The following NUDCD1 variants were observed in gnomAD, a reference collection of about 807,000 sequenced individuals.
NUDCD1 encodes NudC domain containing 1.
Under a neutral mutation model 67.8 loss-of-function variants are expected in NUDCD1, and 60 were observed. The ratio of observed to expected loss-of-function variants is 0.88; its 90% confidence interval spans 0.72 to 1.10. NUDCD1 has a LOEUF of 1.10. NUDCD1 is among the 50% of genes least tolerant of loss of function. The pLI is 0.00. For missense variants in NUDCD1, 643 were observed against 695.0 expected (o/e 0.93, Z 0.84); for synonymous variants, 244 against 230.8 (o/e 1.06, Z -0.52).
intron 5 of NUDCD1, among the ~76,000 whole-genome samples, 182 bp from the exon 6 acceptor site, chr8:109,281,354 T>A (rs760798762): frequency 6.6e-6 from 1 of 152,156 alleles, no homozygotes; most frequent in South Asian, 2.1e-4. Context: ...GCAATTAACA[T>A]GAAATTTTCC....
At chr8:109,276,003 G>A (rs892369968) in intron 6 of NUDCD1, among the ~76,000 whole-genome samples, 5 of 152,008 alleles carry the variant, frequency 3.3e-5, no homozygotes, top group African/African-American at 7.2e-5. Context: ...TTAAATCAAC[G>A]CAAATCTTAA....
At chr8:109,272,047 A>C (rs765793105) in intron 7 of NUDCD1, among the ~76,000 whole-genome samples, 16 of 152,098 alleles carry the variant, frequency 1.1e-4, no homozygotes, top group Non-Finnish European at 7.4e-5. Context: ...ATGCTAAAAG[A>C]AGCTCTCAAG....
At chr8:109,329,039 G>A (rs189639765) in intron 1 of NUDCD1, among the ~76,000 whole-genome samples, 101 of 152,004 alleles carry the variant, frequency 6.6e-4, no homozygotes, top group Admixed American at 1.3e-3. Context: ...CAAGAAAGAT[G>A]CAAAAGATTT....
rs183264326 is a variant in NUDCD1, at chr8:109,325,583, G to A, written c.119-3120C>T. ...GTAAAAAGTAGGAAGAAAAACTTGT[G>A]TTCAAAGAACACAAAGAAGGCCACA... On this transcript the variant is annotated intron_variant, in intron 1 of 9. Transcript: ENST00000239690. Among the ~76,000 whole-genome samples, 14 of 152,270 alleles carry A rather than the reference G, an allele frequency of 9.2e-5. No homozygotes were observed. In the East Asian group the frequency reaches 2.7e-3, roughly 29 times the overall value.
intron 1 of NUDCD1, among the ~76,000 whole-genome samples, chr8:109,330,997 A>C (rs1053544670): frequency 1.3e-5 from 2 of 152,010 alleles, no homozygotes; most frequent in African/African-American, 4.8e-5. Flanking sequence ...GCACACGTTT[A>C]CCTATGTACC....
chr8:109,247,009 C>T (rs1361753166), intron 8 of NUDCD1, among the ~76,000 whole-genome samples: 2 of 152,172 alleles, frequency 1.3e-5, no homozygotes, highest in Admixed American at 6.5e-5. Flanking sequence ...AGGGCTTTTT[C>T]GTAGAGCCAG....
At position 109,311,559 on chromosome 8, in the gene NUDCD1, G is replaced by GTGTGTATATATA; in HGVS notation, c.273+10749_273+10750insTATATATACACA. Among the ~76,000 whole-genome samples, 116 of 124,914 alleles carry GTGTGTATATATA rather than the reference G, an allele frequency of 9.3e-4. 5 individuals carry two copies. Among genetic ancestry groups the GTGTGTATATATA allele is most frequent in the South Asian group, 2.8e-3 (9 of 3,212 alleles). The allele number at this position is 124,914 out of a possible 152,430, so 81.9% of individuals were successfully genotyped here. ...AATGAGTGGATAAAGAAACTGTGGT[G>GTGTGTATATATA]TATATATATATATGATGGGATACTG... On this transcript the variant is annotated intron_variant, in intron 2 of 9. Transcript: ENST00000239690.
chr8:109,295,661 C>T lies in NUDCD1; in HGVS notation c.459+723G>A, dbSNP rs1271547778. Among the ~76,000 whole-genome samples, 5 of 151,998 alleles carry T rather than the reference C, an allele frequency of 3.3e-5. No individual in the cohort carries two copies. In the South Asian group the frequency reaches 6.2e-4, roughly 19 times the overall value. ...TTATAAGACATAAATATATTAAGCT[C>T]GCATCTCTTTATTTACCCAGAACTA... is the stretch of plus-strand genomic sequence containing the variant. On this transcript the variant is annotated intron_variant, in intron 3 of 9. Coordinates refer to ENST00000239690, the MANE Select transcript of NUDCD1 (RefSeq NM_032869.4).
chr8:109,252,646 T>C (rs1223885858), intron 8 of NUDCD1, among the ~76,000 whole-genome samples: 1 of 152,190 alleles, frequency 6.6e-6, no homozygotes, highest in Admixed American at 6.5e-5. Context: ...ACCACGTCTT[T>C]AGCAATCTGT....
chr8:109,261,367 A>C (rs1813860392), intron 8 of NUDCD1, among the ~76,000 whole-genome samples: 1 of 152,208 alleles, frequency 6.6e-6, no homozygotes, highest in East Asian at 1.9e-4. Context: ...AATTACATAT[A>C]TATACATGAT....
At chr8:109,248,714 GAAAAA>G (rs78072773) in intron 8 of NUDCD1, among the ~76,000 whole-genome samples, 1 of 99,990 alleles carries the variant, frequency 1.0e-5, no homozygotes, top group African/African-American at 3.9e-5. Context: ...CCACTGTTTG[GAAAAA>G]AAAAAAAAAA....
chr8:109,304,098 A>C (rs1586294391), intron 2 of NUDCD1, among the ~76,000 whole-genome samples: 1 of 152,072 alleles, frequency 6.6e-6, no homozygotes, highest in Non-Finnish European at 1.5e-5. Context: ...TCCTTAAAAA[A>C]CAGCCCTAAA....
intron 2 of NUDCD1, among the ~76,000 whole-genome samples, chr8:109,317,090 GAAACCT>G (rs1815417727): frequency 6.6e-6 from 1 of 152,162 alleles, no homozygotes; most frequent in Non-Finnish European, 1.5e-5. Flanking sequence ...AGCATATTTG[GAAACCT>G]AAGAGGAAAC....
chr8:109,279,224 T>G (rs2129978401), intron 6 of NUDCD1, among the ~76,000 whole-genome samples: 1 of 152,384 alleles, frequency 6.6e-6, no homozygotes, highest in East Asian at 1.9e-4. Context: ...TGTATTATTA[T>G]TTTACACTCG....
At chr8:109,249,414 T>A (rs985125338) in intron 8 of NUDCD1, among the ~76,000 whole-genome samples, 4 of 152,202 alleles carry the variant, frequency 2.6e-5, no homozygotes, top group African/African-American at 9.6e-5. Context: ...CAATTTTATG[T>A]CTCAGAAATG....
chr8:109,254,354 G>A (rs1053550405), intron 8 of NUDCD1, among the ~76,000 whole-genome samples: 6 of 152,104 alleles, frequency 3.9e-5, no homozygotes, highest in African/African-American at 1.4e-4. Flanking sequence ...AAGATGTTGG[G>A]CAAATAATAC....
chr8:109,255,680 A>G (rs1477837406), intron 8 of NUDCD1, among the ~76,000 whole-genome samples: 2 of 129,792 alleles, frequency 1.5e-5, no homozygotes, highest in Non-Finnish European at 3.2e-5. Flanking sequence ...TCCACACAGA[A>G]AAAAAAAAAA....
At position 109,242,027 on chromosome 8, in the gene NUDCD1, A is replaced by T. The variant is rs970055286; in HGVS notation, c.*982T>A. 10 of 397,844 alleles carry T rather than the reference A, an allele frequency of 2.5e-5. No individual in the cohort carries two copies. Among genetic ancestry groups the T allele is most frequent in the Non-Finnish European group, 4.4e-6 (1 of 225,582 alleles). 24.6% of individuals were successfully genotyped at this position (397,844 alleles called of 1,614,324 possible). On this transcript the variant is annotated 3_prime_UTR_variant, in exon 10 of 10. Transcript: ENST00000239690. ...AGGATTATTTTGTTGAAGTTGTTAG[A>T]AAAATAAAGAGAGCCACAAGGATAA...
At chr8:109,258,628 A>G (rs1435349079) in intron 8 of NUDCD1, among the ~76,000 whole-genome samples, 1 of 152,128 alleles carries the variant, frequency 6.6e-6, no homozygotes, top group Non-Finnish European at 1.5e-5. Context: ...TATCCTAGCT[A>G]AAACAACAGC....
Sources: gnomAD v4.1 joint callset for allele counts (sites outside exome capture counted in the v4.1 genomes callset) on GRCh38, gnomAD v4.1.1 for gene constraint, MANE v1.5 for transcripts, NCBI Gene and HGNC (gene_info 2026-07-23, HGNC 2026-07-21) for gene names.